EVI5: variants seen among roughly 807,000 people sequenced by gnomAD.
The protein encoded by EVI5 is ecotropic viral integration site 5 protein homolog.
A neutral mutation model predicts 112.0 loss-of-function variants in EVI5; 73 were observed. The observed-to-expected ratio is 0.65, with a 90% CI of 0.54 to 0.79. The LOEUF (loss-of-function observed/expected upper bound fraction) is 0.79. Ranked by LOEUF, EVI5 falls within the 30% of genes least tolerant of loss-of-function variation. The pLI, the probability that EVI5 is intolerant of heterozygous loss-of-function variation, is 0.00. For missense variants in EVI5, 900 were observed against 968.8 expected (o/e 0.93, Z 0.94); for synonymous variants, 305 against 319.9 (o/e 0.95, Z 0.50).
intron 6 of EVI5, among the ~76,000 whole-genome samples, chr1:92,696,114 T>C (rs1670280145): frequency 6.6e-6 from 1 of 151,896 alleles, no homozygotes; most frequent in African/African-American, 2.4e-5. Context: ...TTATTTTTAG[T>C]AGAGGCAAGG....
At chr1:92,778,183 A>C (rs1167382693) in intron 1 of EVI5, among the ~76,000 whole-genome samples, 1 of 152,196 alleles carries the variant, frequency 6.6e-6, no homozygotes, top group Admixed American at 6.5e-5. Context: ...CTGGGATTAC[A>C]GGGGTGAGCC....
chr1:92,640,575 A>G (rs564564474), intron 13 of EVI5, among the ~76,000 whole-genome samples: 15 of 152,312 alleles, frequency 9.8e-5, no homozygotes, highest in Non-Finnish European at 1.8e-4. Flanking sequence ...TGCCAATCAG[A>G]ATGGCAATTA....
chr1:92,542,142 G>A (rs12564911), intron 19 of EVI5, among the ~76,000 whole-genome samples: 13,040 of 152,176 alleles, frequency 0.086, 1,589 homozygotes, highest in African/African-American at 0.27. Flanking sequence ...CAAAATTGGA[G>A]TAAATGCTCT....
chr1:92,789,380 G>C (rs577823838), upstream of EVI5, among the ~76,000 whole-genome samples: 27 of 151,766 alleles, frequency 1.8e-4, no homozygotes, highest in African/African-American at 6.5e-4. Context: ...TTGACTCACT[G>C]CAAGCTCTGC....
chr1:92,786,028 T>C (rs946371941), upstream of EVI5, among the ~76,000 whole-genome samples: 8 of 151,420 alleles, frequency 5.3e-5, no homozygotes, highest in African/African-American at 1.9e-4. Context: ...GAGGTGGAGG[T>C]TGCAGTGAGC....
intron 13 of EVI5, among the ~76,000 whole-genome samples, chr1:92,638,665 T>C (rs1173219131): frequency 1.3e-5 from 2 of 152,174 alleles, no homozygotes; most frequent in Non-Finnish European, 2.9e-5. Context: ...GCCAGACACA[T>C]GTTAAGCACT....
chr1:92,590,934 T>C (rs548279534), intron 18 of EVI5, among the ~76,000 whole-genome samples: 11 of 152,212 alleles, frequency 7.2e-5, no homozygotes, highest in East Asian at 5.8e-4. Flanking sequence ...ACTCTACAAG[T>C]CAGAAGAGAG....
chr1:92,792,144 T>C (rs1382389834), intron 1 of EVI5, among the ~76,000 whole-genome samples: 1 of 152,182 alleles, frequency 6.6e-6, no homozygotes, highest in Non-Finnish European at 1.5e-5. Flanking sequence ...TTCATAAATT[T>C]TGTTCATCAC....
intron 10 of EVI5, 78 bp from the exon 11 acceptor site, chr1:92,666,070 T>G: frequency 1.2e-6 from 1 of 848,604 alleles, no homozygotes; most frequent in Non-Finnish European, 1.9e-6. Flanking sequence ...GTCCTGAAAA[T>G]GTATCACCTT....
At chr1:92,775,371 G>A (rs2103066676) in intron 1 of EVI5, among the ~76,000 whole-genome samples, 1 of 151,550 alleles carries the variant, frequency 6.6e-6, no homozygotes, top group Non-Finnish European at 1.5e-5. Context: ...AAGTTGCAGT[G>A]AGCTGAGATA....
At chr1:92,709,632 T>C (rs1380595208) in intron 2 of EVI5, among the ~76,000 whole-genome samples, 1 of 152,198 alleles carries the variant, frequency 6.6e-6, no homozygotes, top group Admixed American at 6.5e-5. Context: ...AAGAAGTCTT[T>C]CTCTGTGAGA....
chr1:92,763,267 C>T (rs1682148659), intron 1 of EVI5, among the ~76,000 whole-genome samples: 1 of 151,872 alleles, frequency 6.6e-6, no homozygotes, highest in Non-Finnish European at 1.5e-5. Context: ...GACTTTGTCT[C>T]AAATAAATAA....
intron 1 of EVI5, among the ~76,000 whole-genome samples, chr1:92,738,072 T>C (rs1334773185): frequency 6.6e-6 from 1 of 152,206 alleles, no homozygotes; most frequent in Non-Finnish European, 1.5e-5. Context: ...TGATCGTTTA[T>C]GCCTGCTTCC....
intron 1 of EVI5, among the ~76,000 whole-genome samples, chr1:92,747,548 T>C (rs2102897597): frequency 6.6e-6 from 1 of 151,880 alleles, no homozygotes; most frequent in East Asian, 1.9e-4. Context: ...ACTCCGTCTC[T>C]ACCAAAAATA....
rs554071107 is a variant in EVI5, at chr1:92,645,446, C to G, written c.1393-9110G>C. Among the ~76,000 whole-genome samples, 14 of 152,308 alleles carry G rather than the reference C, an allele frequency of 9.2e-5. No individual in the cohort carries two copies. The East Asian group carries it at 2.7e-3, about 29-fold the overall frequency. On this transcript the variant is annotated intron_variant, in intron 13 of 19. Coordinates refer to ENST00000684568, the MANE Select transcript of EVI5 (RefSeq NM_001350197.2). ...TTGATCCTTCACTCCTAGAAGTCCA[C>G]TGTGGGGGAAAGTCACTGTCATTAG... is the stretch of plus-strand genomic sequence containing the variant.
At chr1:92,781,174 G>A (rs1465519643) in intron 1 of EVI5, among the ~76,000 whole-genome samples, 4 of 151,850 alleles carry the variant, frequency 2.6e-5, no homozygotes, top group East Asian at 1.9e-4. Context: ...TGACCCCTGC[G>A]ATTCATCAAG....
intron 9 of EVI5, among the ~76,000 whole-genome samples, chr1:92,685,615 C>A (rs2102397629): frequency 6.6e-6 from 1 of 152,188 alleles, no homozygotes; most frequent in Non-Finnish European, 1.5e-5. Flanking sequence ...AATTCAGGAG[C>A]TGGTGTTTTG....
At chr1:92,730,752 A>T (rs1026302544) in intron 2 of EVI5, among the ~76,000 whole-genome samples, 1 of 151,988 alleles carries the variant, frequency 6.6e-6, no homozygotes, top group Non-Finnish European at 1.5e-5. Flanking sequence ...TACAGTTAAC[A>T]TCAAGCTTAA....
upstream of EVI5, among the ~76,000 whole-genome samples, chr1:92,787,541 G>A (rs1570982436): frequency 1.3e-5 from 2 of 149,048 alleles, no homozygotes. Flanking sequence ...AGACTAGCCT[G>A]AGCAATATGG....
Sources: gnomAD v4.1 joint callset for allele counts (sites outside exome capture counted in the v4.1 genomes callset) on GRCh38, gnomAD v4.1.1 for gene constraint, MANE v1.5 for transcripts, NCBI Gene and HGNC (gene_info 2026-07-23, HGNC 2026-07-21) for gene names.